NLGN1: variants seen among roughly 807,000 people sequenced by gnomAD.
NLGN1 encodes the protein neuroligin-1.
A neutral mutation model predicts 65.5 loss-of-function variants in NLGN1; 12 were observed. That is an observed-to-expected ratio of 0.18 (90% CI 0.12 to 0.30). The LOEUF (loss-of-function observed/expected upper bound fraction) is 0.30, where lower values mean the gene tolerates loss of function less well. Ranked by LOEUF, NLGN1 falls within the 10% of genes least tolerant of loss-of-function variation. The pLI is 1.00. For missense variants in NLGN1, 750 were observed against 1,007.1 expected (o/e 0.74, Z 3.46); for synonymous variants, 350 against 359.5 (o/e 0.97, Z 0.30).
intron 2 of NLGN1, among the ~76,000 whole-genome samples, chr3:173,548,941 C>T (rs536204372): frequency 6.6e-6 from 1 of 151,946 alleles, no homozygotes; most frequent in African/African-American, 2.4e-5. Context: ...AGATCTATTT[C>T]ATGCATGCTT....
chr3:174,036,018 T>C (rs559801521), intron 4 of NLGN1, among the ~76,000 whole-genome samples: 3 of 152,310 alleles, frequency 2.0e-5, no homozygotes, highest in Admixed American at 1.3e-4. Flanking sequence ...ATTATACTTT[T>C]ACAATAAAGA....
At chr3:173,655,082 G>A (rs1759789608) in intron 3 of NLGN1, among the ~76,000 whole-genome samples, 1 of 152,130 alleles carries the variant, frequency 6.6e-6, no homozygotes, top group South Asian at 2.1e-4. Context: ...ACAAAGGAAA[G>A]TAATAGCATA....
intron 4 of NLGN1, among the ~76,000 whole-genome samples, chr3:174,200,073 G>T (rs1360808999): frequency 6.6e-6 from 1 of 152,178 alleles, no homozygotes; most frequent in Non-Finnish European, 1.5e-5. Context: ...GGATGCTGGG[G>T]TCTAATAATA....
intron 3 of NLGN1, among the ~76,000 whole-genome samples, chr3:173,797,018 A>C (rs921788784): frequency 3.3e-5 from 5 of 152,174 alleles, no homozygotes; most frequent in Admixed American, 3.3e-4. Context: ...AGTGAGCCAG[A>C]GAGCTGGATG....
intron 4 of NLGN1, among the ~76,000 whole-genome samples, chr3:174,075,595 C>A (rs908185785): frequency 1.3e-5 from 2 of 152,156 alleles, no homozygotes; most frequent in African/African-American, 2.4e-5. Context: ...CAGATAGGCA[C>A]AGACATTTCT....
intron 3 of NLGN1, among the ~76,000 whole-genome samples, chr3:173,692,405 CTGA>C (rs1765605053): frequency 6.6e-6 from 1 of 152,084 alleles, no homozygotes; most frequent in Admixed American, 6.6e-5. Context: ...TGAGGATTAA[CTGA>C]TAAGTGTCTC....
At chr3:174,046,805 A>T (rs1668244498) in intron 4 of NLGN1, among the ~76,000 whole-genome samples, 1 of 152,106 alleles carries the variant, frequency 6.6e-6, no homozygotes, top group Non-Finnish European at 1.5e-5. Context: ...TTACTAAACA[A>T]GGAATTGCTT....
chr3:173,529,318 A>C (rs1577119304), intron 2 of NLGN1, among the ~76,000 whole-genome samples: 2 of 152,140 alleles, frequency 1.3e-5, no homozygotes, highest in South Asian at 4.1e-4. Flanking sequence ...CGTACTTGAC[A>C]CTTGTTTACT....
chr3:173,609,312 T>C (rs1436341255), intron 3 of NLGN1, among the ~76,000 whole-genome samples: 2 of 152,022 alleles, frequency 1.3e-5, no homozygotes, highest in Admixed American at 1.3e-4. Flanking sequence ...CAATTTGTAT[T>C]GTGCAGAAGA....
intron 2 of NLGN1, among the ~76,000 whole-genome samples, chr3:173,488,106 A>AGT (rs1360413334): frequency 6.6e-6 from 1 of 151,252 alleles, no homozygotes; most frequent in Non-Finnish European, 1.5e-5. Flanking sequence ...TCTACTTTTT[A>AGT]GTGTTAACAT....
Position 173,478,267 on chromosome 3 carries a change from C to T in NLGN1, c.-321+43189C>T, listed in dbSNP as rs191409653. 1.2e-3 allele frequency among the ~76,000 whole-genome samples: 188 copies of T among 152,264 alleles called. 2 individuals are homozygous for T. Among genetic ancestry groups the T allele is most frequent in the Non-Finnish European group, 1.2e-3 (81 of 68,028 alleles). ...GTCTTTTGCAGAGACATGGTTGGAT[C>T]TGGAAGCCATTATCCTCAGCAAACT... is the stretch of plus-strand genomic sequence containing the variant. On this transcript the variant is annotated intron_variant, in intron 2 of 6. Coordinates refer to ENST00000457714, the Ensembl canonical transcript of NLGN1.
In NLGN1 at chr3:173,768,175, C is replaced by T. The variant is rs1418537781; in HGVS notation, c.494-39505C>T. 4.6e-5 allele frequency among the ~76,000 whole-genome samples: 7 copies of T among 151,928 alleles called. No individual in the cohort carries two copies. The South Asian group carries it at 8.3e-4, about 18-fold the overall frequency. ...ATATATTATAAAATAATTTCATTTC[C>T]GAATACCTGAGTTTGGGGGGAAAAA... On this transcript the variant is annotated intron_variant, in intron 3 of 6. Coordinates refer to ENST00000457714, the Ensembl canonical transcript of NLGN1.
intron 2 of NLGN1, among the ~76,000 whole-genome samples, chr3:173,554,783 G>A (rs1604536): frequency 0.57 from 86,696 of 151,898 alleles, 24,844 homozygotes; most frequent in East Asian, 0.85. Context: ...TTTTAGGGTA[G>A]ATGTGTAACT....
chr3:174,250,718 T>C (rs16858428), intron 4 of NLGN1, among the ~76,000 whole-genome samples: 17,022 of 151,822 alleles, frequency 0.11, 1,755 homozygotes, highest in African/African-American at 0.27. Context: ...TAACATTCTT[T>C]ACTTCTGATC....
At chr3:173,692,436 T>C (rs986184698) in intron 3 of NLGN1, among the ~76,000 whole-genome samples, 2 of 152,106 alleles carry the variant, frequency 1.3e-5, no homozygotes, top group Non-Finnish European at 2.9e-5. Flanking sequence ...CTAAATGTTA[T>C]GTGACCGCGA....
chr3:173,562,875 G>A (rs1742991743), intron 2 of NLGN1, among the ~76,000 whole-genome samples: 1 of 152,076 alleles, frequency 6.6e-6, no homozygotes. Context: ...CAGATTTGTA[G>A]CTAAGGACAC....
At chr3:173,971,694 C>A (rs1001756640) in intron 4 of NLGN1, among the ~76,000 whole-genome samples, 2 of 151,958 alleles carry the variant, frequency 1.3e-5, no homozygotes, top group African/African-American at 4.8e-5. Flanking sequence ...TCCTCGGGAC[C>A]ATTACGTGGG....
chr3:173,642,975 G>A (rs1034854613), intron 3 of NLGN1, among the ~76,000 whole-genome samples: 12 of 152,058 alleles, frequency 7.9e-5, no homozygotes, highest in South Asian at 4.1e-4. Flanking sequence ...TATAAAATGT[G>A]TATATATATA....
intron 4 of NLGN1, among the ~76,000 whole-genome samples, chr3:173,909,820 G>C (rs1189350729): frequency 6.6e-6 from 1 of 151,984 alleles, no homozygotes; most frequent in Non-Finnish European, 1.5e-5. Flanking sequence ...CTGGGAATAC[G>C]GGCATGTGCC....
Sources: allele counts gnomAD v4.1 joint callset (sites outside exome capture counted in the v4.1 genomes callset), GRCh38; gene constraint gnomAD v4.1.1; transcripts MANE v1.5; gene names NCBI Gene and HGNC (gene_info 2026-07-23, HGNC 2026-07-21).